The following B3GALT9 variants were observed in gnomAD, a reference collection of about 807,000 sequenced individuals.
B3GALT9 encodes beta-1,3-galactosyltransferase 9.
chr9:120,800,253 G>A lies in B3GALT9; in HGVS notation c.*575G>A, dbSNP rs2044962631. On this transcript the variant is annotated 3_prime_UTR_variant, in exon 3 of 3. Coordinates refer to ENST00000689072, the MANE Select transcript of B3GALT9 (RefSeq NM_001386823.1). ...CTGCCTCAGCCTCCCAAGTAGCTGG[G>A]ATTACAGGTGCCTGCCACCACGCCT... 6.6e-6 allele frequency among the ~76,000 whole-genome samples: 1 copy of A among 151,956 alleles called. No individual in the cohort carries two copies. Among genetic ancestry groups the A allele is most frequent in the South Asian group, 2.1e-4 (1 of 4,816 alleles).
intron 1 of B3GALT9, among the ~76,000 whole-genome samples, chr9:120,794,416 C>T (rs544417401): frequency 2.0e-5 from 3 of 151,742 alleles, no homozygotes; most frequent in Non-Finnish European, 4.4e-5. Context: ...TGGCTCACTG[C>T]AGCCTCGACT....
rs2044970008 is a variant in B3GALT9 at position 120,801,698 on chromosome 9, C to T, written c.*2020C>T. On this transcript the variant is annotated 3_prime_UTR_variant, in exon 3 of 3. Coordinates refer to ENST00000689072, the MANE Select transcript of B3GALT9 (RefSeq NM_001386823.1). ...GAGGTTGCAGTGAGCCGAGATCATG[C>T]CACTGCACTCCAGCCTGGGCAACAG... 6.6e-6 allele frequency among the ~76,000 whole-genome samples: 1 copy of T among 152,160 alleles called. No homozygotes were observed. The highest frequency in any genetic ancestry group is 1.5e-5 in the Non-Finnish European group (1 of 68,030).
intron 2 of B3GALT9, 52 bp from the exon 3 acceptor site, chr9:120,798,523 A>C (rs2044952645): frequency 2.5e-6 from 1 of 399,316 alleles, no homozygotes; most frequent in Admixed American, 4.4e-5. Context: ...ATGAGGGCAA[A>C]AACAGGAATA....
At chr9:120,797,564 C>T (rs917493692) in intron 2 of B3GALT9, among the ~76,000 whole-genome samples, 6 of 152,094 alleles carry the variant, frequency 3.9e-5, no homozygotes, top group Non-Finnish European at 5.9e-5. Context: ...AAATCATGCC[C>T]TATCCCAACC....
rs2044964276 is a variant in B3GALT9, at chr9:120,800,540, T to C, written c.*862T>C. On this transcript the variant is annotated 3_prime_UTR_variant, in exon 3 of 3. Transcript: ENST00000689072. ...CCAAAGTCCCAAAGTGTTGGGATTA[T>C]AGGTGTGAGGAACCGTACCTGGCCA... 6.6e-6 allele frequency among the ~76,000 whole-genome samples: 1 copy of C among 152,008 alleles called. No individual in the cohort carries two copies.
chr9:120,794,855 C>G (rs1004550889), intron 1 of B3GALT9, among the ~76,000 whole-genome samples: 10 of 152,022 alleles, frequency 6.6e-5, no homozygotes, highest in African/African-American at 2.4e-4. Context: ...TTGAAAAGTA[C>G]CTGATGTAAA....
chr9:120,794,313 C>T (rs962975296), intron 1 of B3GALT9, among the ~76,000 whole-genome samples: 1 of 152,048 alleles, frequency 6.6e-6, no homozygotes, highest in Non-Finnish European at 1.5e-5. Flanking sequence ...AGGATTTCAA[C>T]CCAAACCGAC....
chr9:120,796,683 A>C (rs1434716507), intron 2 of B3GALT9, 74 bp downstream of exon 2: 3 of 152,206 alleles, frequency 2.0e-5, no homozygotes, highest in African/African-American at 7.2e-5. Context: ...ATTTTTTTCT[A>C]TGTGTAAATG....
At chr9:120,795,996 G>T (rs1226282303) in intron 1 of B3GALT9, among the ~76,000 whole-genome samples, 1 of 152,154 alleles carries the variant, frequency 6.6e-6, no homozygotes, top group African/African-American at 2.4e-5. Context: ...TAAAGTGCTT[G>T]CATAGCCAAT....
intron 2 of B3GALT9, 106 bp from the exon 3 acceptor site, chr9:120,798,469 T>C (rs988915144): frequency 2.5e-6 from 1 of 398,086 alleles, no homozygotes; most frequent in Non-Finnish European, 4.4e-6. Flanking sequence ...ACACTTAAAA[T>C]AGAGTGTACT....
Position 120,799,486 on chromosome 9 carries a change from C to G in B3GALT9, c.918C>G (p.Phe306Leu), listed in dbSNP as rs1407376255. 2.5e-6 allele frequency: 1 copy of G among 399,384 alleles called. No individual in the cohort carries two copies. Among genetic ancestry groups the G allele is most frequent in the Non-Finnish European group, 4.4e-6 (1 of 226,186 alleles). The allele number at this position is 399,384 out of a possible 1,614,324, so 24.7% of individuals were successfully genotyped here. The change falls in exon 3 of 3, where the codon TTC becomes TTG. Residue 306 changes from phenylalanine (F) to leucine (L), a missense_variant. Transcript: ENST00000689072. The stretch of plus-strand genomic sequence containing the variant: ...GATACAACAGATGTTGCTATAAGTT[C>G]ATTTTTACATCCTCAGAAATTGCAG... ...HIRYNRCCYK[F>L]IFTSSEIADP... is the part of the protein sequence containing the mutation.
rs2131399922 is a variant in B3GALT9, at chr9:120,793,747, G to C, written c.-357G>C. 2.5e-6 allele frequency: 1 copy of C among 398,384 alleles called. No individual in the cohort carries two copies. Among genetic ancestry groups the C allele is most frequent in the Admixed American group, 4.4e-5 (1 of 22,722 alleles). 24.7% of individuals were successfully genotyped at this position (398,384 alleles called of 1,614,324 possible). ...GGGAGCTGTGGCTTAGAGAAGTTAAGAGACGTGTCCAAATTCATACAACCT... is the reference window on the plus strand; with the variant it reads ...GGGAGCTGTGGCTTAGAGAAGTTAACAGACGTGTCCAAATTCATACAACCT... On this transcript the variant is annotated 5_prime_UTR_variant, in exon 1 of 3. Transcript: ENST00000689072.
In B3GALT9 at chr9:120,793,530, A is replaced by G; in HGVS notation, c.-574A>G. 5.0e-6 allele frequency: 2 copies of G among 399,606 alleles called. No individual in the cohort carries two copies. Among genetic ancestry groups the G allele is most frequent in the Non-Finnish European group, 8.8e-6 (2 of 226,884 alleles). The allele number at this position is 399,606 out of a possible 1,614,324, so 24.8% of individuals were successfully genotyped here. A position where few individuals can be genotyped will look rare whatever the true frequency, so the allele number is the denominator to read the frequency against. On this transcript the variant is annotated 5_prime_UTR_variant, in exon 1 of 3. Transcript: ENST00000689072. The stretch of plus-strand genomic sequence containing the variant: ...CTGGAGGCCGGGAGTAGGGGTGGGG[A>G]GAAGAGCGTCCCGGGAAGCTGAACG...
At chr9:120,795,997 C>T (rs2044936436) in intron 1 of B3GALT9, among the ~76,000 whole-genome samples, 1 of 152,138 alleles carries the variant, frequency 6.6e-6, no homozygotes, top group African/African-American at 2.4e-5. Flanking sequence ...AAAGTGCTTG[C>T]ATAGCCAATA....
At chr9:120,797,518 A>G (rs940002987) in intron 2 of B3GALT9, among the ~76,000 whole-genome samples, 12 of 152,140 alleles carry the variant, frequency 7.9e-5, no homozygotes, top group African/African-American at 2.9e-4. Context: ...AAAAAAAAAA[A>G]AAGAATGAGC....
chr9:120,795,390 A>C (rs1435342346), intron 1 of B3GALT9, among the ~76,000 whole-genome samples: 1 of 152,220 alleles, frequency 6.6e-6, no homozygotes, highest in Non-Finnish European at 1.5e-5. Context: ...AAAGAAACCA[A>C]ATTGTGCAAA....
In B3GALT9 at chr9:120,799,116, A is replaced by G; in HGVS notation, c.548A>G (p.Asp183Gly). The change falls in exon 3 of 3, where the codon GAT (aspartate) becomes GGT (glycine). Residue 183 changes from aspartate to glycine, a missense_variant. Asp to Gly is a moderately conservative substitution (Grantham distance 94, BLOSUM62 -1). Transcript: ENST00000689072. Reference sequence around the variant, plus strand: ...AATGCCCTGTTCATTCTCAAGGTGGATGAAGAGACGTTTGTCAATCTACCA... The same window carrying G: ...AATGCCCTGTTCATTCTCAAGGTGGGTGAAGAGACGTTTGTCAATCTACCA... ...CPNALFILKV[D>G]EETFVNLPSL... is the part of the protein sequence containing the mutation. The G allele has an allele frequency of 7.5e-6, 3 of 398,998 alleles. No homozygotes were observed. The highest frequency in any genetic ancestry group is 1.3e-5 in the Non-Finnish European group (3 of 226,082). The allele number at this position is 398,998 out of a possible 1,614,324, so 24.7% of individuals were successfully genotyped here.
rs1588060033 is a variant in B3GALT9, at chr9:120,800,397, G to A, written c.*719G>A. ...GCCTCCCAAAGTGCTGGGATTACAG[G>A]TGTGAGCCACCACGCCTGGCCTAAT... On this transcript the variant is annotated 3_prime_UTR_variant, in exon 3 of 3. Coordinates refer to ENST00000689072, the MANE Select transcript of B3GALT9 (RefSeq NM_001386823.1). Among the ~76,000 whole-genome samples, 1 of 151,986 alleles carries A rather than the reference G, an allele frequency of 6.6e-6. No homozygotes were observed. The highest frequency in any genetic ancestry group is 1.5e-5 in the Non-Finnish European group (1 of 68,010).
chr9:120,796,121 T>C (rs1306137215), intron 1 of B3GALT9, among the ~76,000 whole-genome samples: 1 of 152,192 alleles, frequency 6.6e-6, no homozygotes, highest in Non-Finnish European at 1.5e-5. Context: ...CTATGTCTAG[T>C]ACAGTTTTTG....
Sources: allele counts gnomAD v4.1 joint callset (sites outside exome capture counted in the v4.1 genomes callset), GRCh38; gene constraint gnomAD v4.1.1; transcripts MANE v1.5; gene names NCBI Gene and HGNC (gene_info 2026-07-23, HGNC 2026-07-21).